Variants in PCDH15 observed in about 807,000 individuals in gnomAD.
The protein encoded by PCDH15 is protocadherin-15.
PCDH15 carries 129 observed loss-of-function variants against 178.5 expected under a neutral mutation model. The observed-to-expected ratio is 0.72, with a 90% CI of 0.63 to 0.84. PCDH15 has a LOEUF of 0.84. Among genes scored for constraint, PCDH15 ranks in the 40% least tolerant of loss-of-function variants. The pLI, the probability that PCDH15 is intolerant of heterozygous loss-of-function variation, is 0.00. For missense variants in PCDH15, 2,230 were observed against 2,099.9 expected (o/e 1.06, Z -1.21); for synonymous variants, 800 against 732.0 (o/e 1.09, Z -1.50).
At chr10:54,637,088 C>T (rs1162464998) in intron 2 of PCDH15, among the ~76,000 whole-genome samples, 19 of 150,252 alleles carry the variant, frequency 1.3e-4, no homozygotes, top group Admixed American at 3.3e-4. Context: ...CTCTGTCTGT[C>T]CTACTCCTAG....
intron 1 of PCDH15, among the ~76,000 whole-genome samples, chr10:55,290,286 G>A (rs1588884048): frequency 6.6e-6 from 1 of 150,784 alleles, no homozygotes; most frequent in East Asian, 1.9e-4. Context: ...ATGTATTAGA[G>A]TAATTAAATG....
At chr10:54,661,038 G>T (rs557739507) in intron 2 of PCDH15, among the ~76,000 whole-genome samples, 2 of 151,508 alleles carry the variant, frequency 1.3e-5, no homozygotes, top group African/African-American at 2.4e-5. Flanking sequence ...GACAAGGATG[G>T]CCACTCTCAG....
chr10:54,676,888 T>G (rs1334639357), intron 1 of PCDH15, among the ~76,000 whole-genome samples: 1 of 152,122 alleles, frequency 6.6e-6, no homozygotes, highest in African/African-American at 2.4e-5. Context: ...CTTTTGTGGA[T>G]GAAAGGAAGT....
intron 2 of PCDH15, among the ~76,000 whole-genome samples, chr10:55,160,059 A>G (rs1301528873): frequency 6.8e-6 from 1 of 147,806 alleles, no homozygotes; most frequent in Non-Finnish European, 1.5e-5. Context: ...GAAAGAGAAT[A>G]AAGCCAAATA....
intron 3 of PCDH15, among the ~76,000 whole-genome samples, chr10:54,416,616 T>C (rs1954441946): frequency 6.6e-6 from 1 of 152,208 alleles, no homozygotes; most frequent in Non-Finnish European, 1.5e-5. Flanking sequence ...AGTAGAATGA[T>C]TTATATTCCT....
At position 53,970,578 on chromosome 10, in the gene PCDH15, T is replaced by C. The variant is rs578092385; in HGVS notation, c.2869-8686A>G. Among the ~76,000 whole-genome samples the C allele has an allele frequency of 9.9e-5, 15 of 151,556 alleles. No individual in the cohort carries two copies. The East Asian group carries it at 2.1e-3, about 22-fold the overall frequency. On this transcript the variant is annotated intron_variant, in intron 21 of 37. Coordinates refer to ENST00000644397, the MANE Select transcript of PCDH15 (RefSeq NM_001384140.1). ...AAGAAGAAAAGAGAGAAGAATCAAATAGACACAATAAAAAATGATAAAGGG... is the reference window on the plus strand; with the variant it reads ...AAGAAGAAAAGAGAGAAGAATCAAACAGACACAATAAAAAATGATAAAGGG...
chr10:54,411,504 A>C lies in PCDH15; in HGVS notation c.158-32562T>G, dbSNP rs138530574. ...AGTCACTAGCAATGTGATCCTGAGA[A>C]GATTACTTAGTCTCTCTGTCCCACA... On this transcript the variant is annotated intron_variant, in intron 3 of 37. Coordinates refer to ENST00000644397, the MANE Select transcript of PCDH15 (RefSeq NM_001384140.1). Among the ~76,000 whole-genome samples, 262 of 152,274 alleles carry C rather than the reference A, an allele frequency of 1.7e-3. 1 individual carries two copies. Among genetic ancestry groups the C allele is most frequent in the African/African-American group, 5.7e-3 (238 of 41,558 alleles).
intron 2 of PCDH15, among the ~76,000 whole-genome samples, chr10:55,429,901 C>T (rs1221494143): frequency 3.3e-5 from 5 of 152,040 alleles, no homozygotes; most frequent in South Asian, 2.1e-4. Context: ...GCTTTGTGCT[C>T]CTTAATAATA....
intron 2 of PCDH15, among the ~76,000 whole-genome samples, chr10:55,575,108 G>C (rs1186714726): frequency 6.6e-6 from 1 of 152,130 alleles, no homozygotes; most frequent in East Asian, 1.9e-4. Flanking sequence ...GATTGCAGTG[G>C]AAGCAGTTAA....
intron 17 of PCDH15, among the ~76,000 whole-genome samples, chr10:54,073,510 T>C (rs1020034058): frequency 6.6e-6 from 1 of 152,104 alleles, no homozygotes; most frequent in Non-Finnish European, 1.5e-5. Context: ...AAATGTTAAT[T>C]GTTCATTTAT....
At chr10:54,365,576 G>T (rs1946666994) in intron 5 of PCDH15, among the ~76,000 whole-genome samples, 1 of 152,030 alleles carries the variant, frequency 6.6e-6, no homozygotes, top group Non-Finnish European at 1.5e-5. Flanking sequence ...GCCTTGACTT[G>T]CTCTTGTTTA....
At chr10:54,493,253 T>G (rs989881843) in intron 3 of PCDH15, among the ~76,000 whole-genome samples, 1 of 151,654 alleles carries the variant, frequency 6.6e-6, no homozygotes, top group African/African-American at 2.4e-5. Flanking sequence ...CCACTGGGGG[T>G]CTTGGGATAT....
At chr10:54,225,445 T>C (rs2053325973) in intron 9 of PCDH15, among the ~76,000 whole-genome samples, 1 of 152,220 alleles carries the variant, frequency 6.6e-6, no homozygotes. Context: ...TGATTCTTCC[T>C]TACCTTAGAA....
chr10:54,614,632 T>G (rs2093071272), intron 2 of PCDH15, among the ~76,000 whole-genome samples: 1 of 151,992 alleles, frequency 6.6e-6, no homozygotes. Flanking sequence ...ACTAATGAAG[T>G]GCTCTGTCAC....
At chr10:53,977,650 C>T (rs2090296665) in intron 21 of PCDH15, among the ~76,000 whole-genome samples, 1 of 152,166 alleles carries the variant, frequency 6.6e-6, no homozygotes, top group African/African-American at 2.4e-5. Context: ...TCCCAACAGT[C>T]CCTCAAAGTC....
At chr10:53,872,827 A>C (rs1374223930) in intron 26 of PCDH15, among the ~76,000 whole-genome samples, 1 of 152,194 alleles carries the variant, frequency 6.6e-6, no homozygotes, top group Non-Finnish European at 1.5e-5. Flanking sequence ...GAGGATATCA[A>C]ATGTGAGATC....
At chr10:55,271,773 GCT>G (rs1188380228) in intron 1 of PCDH15, among the ~76,000 whole-genome samples, 1 of 151,980 alleles carries the variant, frequency 6.6e-6, no homozygotes, top group Non-Finnish European at 1.5e-5. Context: ...TTTTTCTAAA[GCT>G]CAGACCTCCC....
chr10:54,290,710 A>G (rs7073025), intron 8 of PCDH15, among the ~76,000 whole-genome samples: 110,153 of 152,008 alleles, frequency 0.72, 40,899 homozygotes, highest in Middle Eastern at 0.82. Flanking sequence ...GATCTACCAA[A>G]CAAATGGAAA....
chr10:54,319,586 T>C (rs1262690663), intron 7 of PCDH15, among the ~76,000 whole-genome samples: 1 of 152,156 alleles, frequency 6.6e-6, no homozygotes, highest in African/African-American at 2.4e-5. Flanking sequence ...GGGAACTGGA[T>C]AGAGGCGGTG....
Sources: gnomAD v4.1 joint callset for allele counts (sites outside exome capture counted in the v4.1 genomes callset) on GRCh38, gnomAD v4.1.1 for gene constraint, MANE v1.5 for transcripts, NCBI Gene and HGNC (gene_info 2026-07-23, HGNC 2026-07-21) for gene names.